The following MAGI2 variants were observed in gnomAD, a reference collection of about 807,000 sequenced individuals.
MAGI2 encodes the protein membrane associated guanylate kinase, WW and PDZ domain containing 2.
In MAGI2, 35 loss-of-function variants were observed where a neutral mutation model predicts 133.3. That is an observed-to-expected ratio of 0.26 (90% confidence interval 0.20 to 0.35). The LOEUF (loss-of-function observed/expected upper bound fraction) is 0.35, where lower values mean the gene tolerates loss of function less well. Among genes scored for constraint, MAGI2 ranks in the 10% least tolerant of loss-of-function variants. The pLI is 1.00. For synonymous variants in MAGI2, 729 were observed against 710.6 expected, an observed-to-expected ratio of 1.03 and a Z score of -0.41; for missense variants, 1,636 against 1,863.4, an observed-to-expected ratio of 0.88 and a Z score of 2.25.
At chr7:78,868,796 C>T (rs1794789802) in intron 2 of MAGI2, among the ~76,000 whole-genome samples, 1 of 152,028 alleles carries the variant, frequency 6.6e-6, no homozygotes, top group South Asian at 2.1e-4. Context: ...CTCTGTCGCC[C>T]AGGCTGGAGT....
At chr7:78,448,322 C>A (rs1054485356) in intron 6 of MAGI2, among the ~76,000 whole-genome samples, 4 of 151,906 alleles carry the variant, frequency 2.6e-5, no homozygotes, top group Non-Finnish European at 4.4e-5. Context: ...ATACGGTAGT[C>A]CTAGTTTTAA....
chr7:78,727,919 T>C (rs894651995), intron 2 of MAGI2, among the ~76,000 whole-genome samples: 1 of 152,162 alleles, frequency 6.6e-6, no homozygotes, highest in African/African-American at 2.4e-5. Context: ...GTCTAGTGAC[T>C]GAGAGTAAAA....
rs527562143 is a variant in MAGI2, at chr7:79,128,939, C to T, written c.302-121733G>A. 3.3e-5 allele frequency among the ~76,000 whole-genome samples: 5 copies of T among 152,290 alleles called. No homozygotes were observed. The East Asian group carries it at 5.8e-4, about 18-fold the overall frequency. On this transcript the variant is annotated intron_variant, in intron 1 of 21. Transcript: ENST00000354212. The stretch of plus-strand genomic sequence containing the variant: ...AGGCTGGAGTGCAGTGGCATGATCT[C>T]GGCTCACTGCAACCTCCATCTCTCG...
At chr7:78,671,715 A>G (rs2151073648) in intron 2 of MAGI2, among the ~76,000 whole-genome samples, 1 of 152,280 alleles carries the variant, frequency 6.6e-6, no homozygotes, top group African/African-American at 2.4e-5. Context: ...AAACCGTCTG[A>G]TGTTTACTGT....
intron 6 of MAGI2, among the ~76,000 whole-genome samples, chr7:78,481,959 G>T (rs1792431811): frequency 6.6e-6 from 1 of 151,760 alleles, no homozygotes; most frequent in South Asian, 2.1e-4. Context: ...CCTGTTAAGG[G>T]GATGGAAATA....
intron 9 of MAGI2, among the ~76,000 whole-genome samples, chr7:78,341,777 A>G (rs1790403596): frequency 6.6e-6 from 1 of 152,156 alleles, no homozygotes; most frequent in Non-Finnish European, 1.5e-5. Flanking sequence ...CTGAAACTGG[A>G]CCCCTTCCTT....
At chr7:78,535,495 C>A (rs964281147) in intron 3 of MAGI2, among the ~76,000 whole-genome samples, 7 of 152,078 alleles carry the variant, frequency 4.6e-5, no homozygotes, top group African/African-American at 1.7e-4. Flanking sequence ...AAGATGTTAT[C>A]TTTGAAACTG....
chr7:79,294,866 A>ACT (rs1460468086), intron 1 of MAGI2, among the ~76,000 whole-genome samples: 1 of 149,866 alleles, frequency 6.7e-6, no homozygotes, highest in Non-Finnish European at 1.5e-5. Flanking sequence ...AGTAGCTGGG[A>ACT]CTACAGGCGC....
At chr7:79,004,955 G>C (rs1807290088) in intron 2 of MAGI2, among the ~76,000 whole-genome samples, 1 of 151,960 alleles carries the variant, frequency 6.6e-6, no homozygotes, top group African/African-American at 2.4e-5. Flanking sequence ...GGTGGCACAT[G>C]CCTGTAATCC....
chr7:78,987,385 C>T lies in MAGI2; in HGVS notation c.418+19705G>A, dbSNP rs1171684075. Among the ~76,000 whole-genome samples the T allele has an allele frequency of 9.2e-5, 14 of 152,146 alleles. No individual in the cohort carries two copies. The East Asian group carries it at 2.5e-3, about 27-fold the overall frequency. On this transcript the variant is annotated intron_variant, in intron 2 of 21. Transcript: ENST00000354212. ...GCAGCCAAAATATGACAACTTAATG[C>T]TGATTATTTTCCGTACATGTTGATA...
intron 18 of MAGI2, among the ~76,000 whole-genome samples, chr7:78,128,256 T>A (rs778660240): frequency 3.8e-4 from 58 of 152,082 alleles, no homozygotes; most frequent in Admixed American, 1.0e-3. Flanking sequence ...GCTGAGGGGG[T>A]TACTAGTTTC....
chr7:79,284,516 C>G (rs920801349), intron 1 of MAGI2, among the ~76,000 whole-genome samples: 18 of 152,090 alleles, frequency 1.2e-4, no homozygotes, highest in Admixed American at 1.1e-3. Flanking sequence ...CTACTCATGA[C>G]TTATTTTCTT....
At chr7:79,169,375 A>G (rs1585103606) in intron 1 of MAGI2, among the ~76,000 whole-genome samples, 1 of 152,286 alleles carries the variant, frequency 6.6e-6, no homozygotes, top group South Asian at 2.1e-4. Context: ...AAAATTACCA[A>G]CCATATGGTT....
chr7:78,869,197 T>G (rs1443528504), intron 2 of MAGI2, among the ~76,000 whole-genome samples: 1 of 152,212 alleles, frequency 6.6e-6, no homozygotes. Flanking sequence ...GTTGTCTGTT[T>G]ATTTTGCTGT....
chr7:78,370,266 A>G (rs1004139135), intron 6 of MAGI2, among the ~76,000 whole-genome samples: 2 of 152,096 alleles, frequency 1.3e-5, no homozygotes, highest in Non-Finnish European at 2.9e-5. Flanking sequence ...TACCACATAC[A>G]GTGCATATTA....
At chr7:78,860,815 T>C (rs1298768820) in intron 2 of MAGI2, among the ~76,000 whole-genome samples, 1 of 152,174 alleles carries the variant, frequency 6.6e-6, no homozygotes, top group Admixed American at 6.5e-5. Flanking sequence ...CTTCTGCCTT[T>C]TGTTCAGCTA....
intron 2 of MAGI2, among the ~76,000 whole-genome samples, chr7:78,627,594 A>T (rs934124963): frequency 6.6e-6 from 1 of 152,218 alleles, no homozygotes; most frequent in Admixed American, 6.5e-5. Flanking sequence ...CACTCCATGA[A>T]TGAACCTCTA....
At chr7:78,720,205 G>T (rs994984673) in intron 2 of MAGI2, among the ~76,000 whole-genome samples, 3 of 152,018 alleles carry the variant, frequency 2.0e-5, no homozygotes, top group African/African-American at 7.2e-5. Flanking sequence ...GCAACATTTG[G>T]AGAAACACAG....
rs149484205 is a variant in MAGI2 at position 79,251,303 on chromosome 7, C to G, written c.301+201717G>C. On this transcript the variant is annotated intron_variant, in intron 1 of 21. Transcript: ENST00000354212. ...CAATCAACAAAGTGAAGCAACAACC[C>G]ATAGAATGAGAGAGAATATTTGCAA... 4.2e-4 allele frequency among the ~76,000 whole-genome samples: 64 copies of G among 151,996 alleles called. 1 individual carries two copies. Among genetic ancestry groups the G allele is most frequent in the African/African-American group, 1.4e-3 (59 of 41,448 alleles).
Sources: allele counts gnomAD v4.1 joint callset (sites outside exome capture counted in the v4.1 genomes callset), GRCh38; gene constraint gnomAD v4.1.1; transcripts MANE v1.5; gene names NCBI Gene and HGNC (gene_info 2026-07-23, HGNC 2026-07-21).